Variants in MDGA2 observed in about 807,000 individuals in gnomAD.
MDGA2 encodes the protein MAM domain-containing glycosylphosphatidylinositol anchor protein 2.
Under a neutral mutation model 117.8 loss-of-function variants are expected in MDGA2, and 40 were observed. That is an observed-to-expected ratio of 0.34 (90% CI 0.26 to 0.44). MDGA2 has a LOEUF of 0.44. MDGA2 is among the 20% of genes least tolerant of loss of function. The pLI is 1.00. For synonymous variants in MDGA2, 452 were observed against 439.0 expected (o/e 1.03, Z -0.37); for missense variants, 1,123 against 1,250.6 (o/e 0.90, Z 1.54).
intron 1 of MDGA2, among the ~76,000 whole-genome samples, chr14:47,303,569 C>G (rs962870014): frequency 2.1e-4 from 32 of 151,994 alleles, no homozygotes; most frequent in African/African-American, 7.5e-4. Flanking sequence ...ATAAGTAATA[C>G]TAGTGAAGTA....
chr14:47,109,278 C>G (rs1034959755), intron 5 of MDGA2, among the ~76,000 whole-genome samples: 2 of 152,212 alleles, frequency 1.3e-5, no homozygotes, highest in East Asian at 3.9e-4. Flanking sequence ...CTGGAATTCT[C>G]TTCCAGTGCT....
intron 3 of MDGA2, among the ~76,000 whole-genome samples, chr14:47,174,051 A>G (rs1014901255): frequency 1.3e-5 from 2 of 152,230 alleles, no homozygotes; most frequent in African/African-American, 4.8e-5. Flanking sequence ...GAGACAAAGA[A>G]GGCCATTACA....
chr14:47,044,582 A>G (rs1483567482), intron 7 of MDGA2, among the ~76,000 whole-genome samples: 2 of 152,190 alleles, frequency 1.3e-5, no homozygotes, highest in Non-Finnish European at 2.9e-5. Flanking sequence ...GTTTTTGTCC[A>G]TAATATGAAT....
chr14:47,349,478 ATTAG>A (rs1392834899), intron 1 of MDGA2, among the ~76,000 whole-genome samples: 4 of 152,248 alleles, frequency 2.6e-5, no homozygotes, highest in South Asian at 2.1e-4. Context: ...TCAAATGCAA[ATTAG>A]TTAGGTTGAA....
intron 4 of MDGA2, among the ~76,000 whole-genome samples, chr14:47,134,018 T>C (rs2139162538): frequency 1.3e-5 from 2 of 152,226 alleles, no homozygotes; most frequent in South Asian, 4.1e-4. Flanking sequence ...ATTGTATACA[T>C]TTAAGGTATA....
intron 9 of MDGA2, among the ~76,000 whole-genome samples, chr14:46,921,884 C>T (rs965886059): frequency 6.6e-6 from 1 of 152,052 alleles, no homozygotes; most frequent in African/African-American, 2.4e-5. Context: ...GTTTTCATTA[C>T]AGAGTGGTAT....
intron 1 of MDGA2, among the ~76,000 whole-genome samples, chr14:47,492,807 G>A (rs1365300424): frequency 2.6e-5 from 4 of 151,944 alleles, no homozygotes; most frequent in Admixed American, 2.0e-4. Context: ...TAAATTATAT[G>A]AGCAACAATA....
intron 1 of MDGA2, among the ~76,000 whole-genome samples, chr14:47,612,702 T>C (rs1418785540): frequency 1.3e-5 from 2 of 152,200 alleles, no homozygotes; most frequent in Admixed American, 6.5e-5. Flanking sequence ...ATCTATACTT[T>C]GTTTTTTTCC....
intron 1 of MDGA2, among the ~76,000 whole-genome samples, chr14:47,609,465 A>ACATATATATATATATATAT (rs1555336021): frequency 5.6e-5 from 6 of 107,384 alleles, no homozygotes; most frequent in Non-Finnish European, 9.7e-5. Flanking sequence ...ATATATATAT[A>ACATATATATATATATATAT]AGTTTCTTTA....
At chr14:47,139,739 T>A (rs1361121665) in intron 4 of MDGA2, among the ~76,000 whole-genome samples, 2 of 149,592 alleles carry the variant, frequency 1.3e-5, no homozygotes, top group Non-Finnish European at 3.0e-5. Context: ...AAGAAGTATA[T>A]ATGTATATGT....
At chr14:47,214,478 CTTGA>C (rs1388259555) in intron 3 of MDGA2, among the ~76,000 whole-genome samples, 9 of 151,986 alleles carry the variant, frequency 5.9e-5, no homozygotes, top group Non-Finnish European at 7.4e-5. Context: ...AAACTGTATT[CTTGA>C]TTAACATAGT....
chr14:47,107,506 G>C (rs374177880), intron 5 of MDGA2, among the ~76,000 whole-genome samples: 1 of 142,526 alleles, frequency 7.0e-6, no homozygotes, highest in East Asian at 2.2e-4. Flanking sequence ...GACTGACCCT[G>C]ACATCCATCA....
intron 8 of MDGA2, among the ~76,000 whole-genome samples, chr14:46,982,534 C>A (rs1054297282): frequency 1.3e-5 from 2 of 151,232 alleles, no homozygotes; most frequent in Non-Finnish European, 2.9e-5. Context: ...CATGGTGAAA[C>A]CCCGTCTCCG....
At chr14:47,328,272 AG>A (rs1890199159) in intron 1 of MDGA2, among the ~76,000 whole-genome samples, 2 of 152,174 alleles carry the variant, frequency 1.3e-5, no homozygotes, top group Admixed American at 1.3e-4. Flanking sequence ...AGAAACAGAA[AG>A]GGAAAGATTT....
chr14:47,570,277 A>G (rs1325634971), intron 1 of MDGA2, among the ~76,000 whole-genome samples: 1 of 152,116 alleles, frequency 6.6e-6, no homozygotes, highest in Non-Finnish European at 1.5e-5. Flanking sequence ...CTTGGTGCAA[A>G]TGTAATTGCG....
At chr14:47,305,362 C>T (rs1889409057) in intron 1 of MDGA2, 1 of 152,108 alleles carries the variant, frequency 6.6e-6, no homozygotes, top group Non-Finnish European at 1.5e-5. Context: ...TAAAATATTG[C>T]ATGAGACTCA....
chr14:47,341,166 C>T (rs1423213516), intron 1 of MDGA2, among the ~76,000 whole-genome samples: 1 of 152,190 alleles, frequency 6.6e-6, no homozygotes, highest in African/African-American at 2.4e-5. Flanking sequence ...TTACTCTAAA[C>T]AGTCCTTTTA....
At chr14:47,324,585 T>G (rs958890082) in intron 1 of MDGA2, among the ~76,000 whole-genome samples, 7 of 152,174 alleles carry the variant, frequency 4.6e-5, no homozygotes, top group African/African-American at 1.7e-4. Context: ...CTTTTCATAT[T>G]TATTTCCCAT....
At chr14:47,487,153 G>C (rs568669084) in intron 1 of MDGA2, among the ~76,000 whole-genome samples, 1 of 152,150 alleles carries the variant, frequency 6.6e-6, no homozygotes, top group African/African-American at 2.4e-5. Context: ...CAGTATCACA[G>C]GACCCGTTCA....
Sources: allele counts gnomAD v4.1 joint callset (sites outside exome capture counted in the v4.1 genomes callset), GRCh38; gene constraint gnomAD v4.1.1; transcripts MANE v1.5; gene names NCBI Gene and HGNC (gene_info 2026-07-23, HGNC 2026-07-21).